The following PRKCQ variants were observed in gnomAD, a reference collection of about 807,000 sequenced individuals.
The protein encoded by PRKCQ is protein kinase C theta type.
Under a neutral mutation model 91.2 loss-of-function variants are expected in PRKCQ, and 41 were observed. The ratio of observed to expected loss-of-function variants is 0.45; its 90% CI spans 0.35 to 0.58. The LOEUF (loss-of-function observed/expected upper bound fraction) is 0.58. Ranked by LOEUF, PRKCQ falls within the 20% of genes least tolerant of loss-of-function variation. The probability of loss-of-function intolerance (pLI) is 0.00; values close to 1 mark genes in which losing one functional copy is unlikely to be tolerated. For synonymous variants in PRKCQ, 307 were observed against 316.9 expected, an observed-to-expected ratio of 0.97 and a Z score of 0.33; for missense variants, 673 against 896.5, an observed-to-expected ratio of 0.75 and a Z score of 3.18.
intron 3 of PRKCQ, among the ~76,000 whole-genome samples, chr10:6,510,548 G>A (rs552439707): frequency 6.6e-6 from 1 of 152,260 alleles, no homozygotes; most frequent in East Asian, 1.9e-4. Flanking sequence ...TGAGTCTACT[G>A]GGTTAAACAA....
intron 12 of PRKCQ, among the ~76,000 whole-genome samples, chr10:6,475,087 G>A (rs1836201396): frequency 6.6e-6 from 1 of 152,178 alleles, no homozygotes; most frequent in Non-Finnish European, 1.5e-5. Flanking sequence ...AGTAATTTAT[G>A]CCAGAGCCTG....
At chr10:6,432,009 G>A (rs748525349) in intron 16 of PRKCQ, among the ~76,000 whole-genome samples, 45 of 152,204 alleles carry the variant, frequency 3.0e-4, no homozygotes, top group Non-Finnish European at 6.0e-4. Context: ...AAACAGGAGA[G>A]TCTAAACATT....
intron 11 of PRKCQ, among the ~76,000 whole-genome samples, chr10:6,483,013 T>C (rs1439004481): frequency 6.6e-6 from 1 of 151,942 alleles, no homozygotes; most frequent in Non-Finnish European, 1.5e-5. Flanking sequence ...CAAGGAAACT[T>C]ATACAAGCTG....
At chr10:6,568,601 A>C (rs1840920692) in intron 1 of PRKCQ, among the ~76,000 whole-genome samples, 1 of 150,474 alleles carries the variant, frequency 6.6e-6, no homozygotes, top group Non-Finnish European at 1.5e-5. Flanking sequence ...AGGTTCACGC[A>C]GTTCTCCTGC....
At chr10:6,539,764 T>C (rs1276872823) in intron 1 of PRKCQ, among the ~76,000 whole-genome samples, 1 of 152,192 alleles carries the variant, frequency 6.6e-6, no homozygotes, top group East Asian at 1.9e-4. Flanking sequence ...TTTAGAGAAC[T>C]CATCAGCGCA....
chr10:6,533,124 TC>T (rs2130903195), intron 1 of PRKCQ, among the ~76,000 whole-genome samples: 1 of 152,134 alleles, frequency 6.6e-6, no homozygotes, highest in Non-Finnish European at 1.5e-5. Flanking sequence ...ATTATCAACA[TC>T]CCCCACCAGA....
At chr10:6,491,061 G>A (rs145328831) in intron 8 of PRKCQ, among the ~76,000 whole-genome samples, 1 of 152,326 alleles carries the variant, frequency 6.6e-6, no homozygotes, top group Non-Finnish European at 1.5e-5. Flanking sequence ...GTTAGGCTCT[G>A]CTGCGATCCT....
intron 1 of PRKCQ, among the ~76,000 whole-genome samples, chr10:6,517,516 A>G (rs1405142167): frequency 1.3e-5 from 2 of 149,798 alleles, no homozygotes; most frequent in Non-Finnish European, 3.0e-5. Flanking sequence ...GCGTTACTAA[A>G]GTCTGTAGCT....
intron 1 of PRKCQ, among the ~76,000 whole-genome samples, chr10:6,532,353 C>A (rs1401210189): frequency 6.6e-6 from 1 of 152,194 alleles, no homozygotes; most frequent in African/African-American, 2.4e-5. Flanking sequence ...TTATGGGATA[C>A]ATAGTTGGCA....
At chr10:6,513,656 G>A (rs1216199388) in intron 2 of PRKCQ, among the ~76,000 whole-genome samples, 1 of 152,190 alleles carries the variant, frequency 6.6e-6, no homozygotes, top group Non-Finnish European at 1.5e-5. Flanking sequence ...AGAGAACTCT[G>A]GGCAGAAAGG....
At chr10:6,551,432 C>G (rs1840180903) in intron 1 of PRKCQ, among the ~76,000 whole-genome samples, 1 of 145,310 alleles carries the variant, frequency 6.9e-6, no homozygotes, top group Admixed American at 7.0e-5. Context: ...CTCACTCTGT[C>G]ACCCAGGCTG....
chr10:6,442,982 A>C (rs932935589), intron 15 of PRKCQ, among the ~76,000 whole-genome samples: 4 of 152,064 alleles, frequency 2.6e-5, no homozygotes, highest in African/African-American at 9.7e-5. Flanking sequence ...AAAAACCCCA[A>C]AGCACTCAAA....
chr10:6,445,932 T>C (rs1449017382), intron 15 of PRKCQ, among the ~76,000 whole-genome samples: 1 of 152,226 alleles, frequency 6.6e-6, no homozygotes, highest in Non-Finnish European at 1.5e-5. Context: ...AACTTCGTTT[T>C]GGCAGGACAA....
chr10:6,569,492 G>A (rs937733870), intron 1 of PRKCQ, among the ~76,000 whole-genome samples: 14 of 152,114 alleles, frequency 9.2e-5, no homozygotes, highest in Non-Finnish European at 1.8e-4. Context: ...GCTTTATCCC[G>A]GGGGCACTGG....
intron 1 of PRKCQ, among the ~76,000 whole-genome samples, chr10:6,533,646 T>A (rs747194840): frequency 6.6e-6 from 1 of 152,164 alleles, no homozygotes; most frequent in African/African-American, 2.4e-5. Context: ...AATAAAGATA[T>A]TATAATGGGA....
chr10:6,560,481 A>G (rs113536648), intron 1 of PRKCQ, among the ~76,000 whole-genome samples: 96 of 152,318 alleles, frequency 6.3e-4, no homozygotes, highest in Non-Finnish European at 1.1e-3. Context: ...GAGGCAGCGC[A>G]TCATGGAACC....
intron 16 of PRKCQ, among the ~76,000 whole-genome samples, chr10:6,440,676 C>T (rs76987855): frequency 0.016 from 2,459 of 152,164 alleles, 39 homozygotes; most frequent in Non-Finnish European, 0.024. Flanking sequence ...AAGCAGGAGT[C>T]CCAGCTTTAA....
In PRKCQ at chr10:6,576,548, G is replaced by A. The variant is rs1841244493; in HGVS notation, c.-10+3663C>T. Among the ~76,000 whole-genome samples the A allele has an allele frequency of 6.6e-6, 1 of 152,228 alleles. No homozygotes were observed. The highest frequency in any genetic ancestry group is 2.4e-5 in the African/African-American group (1 of 41,468). ...GTGGCTGCCAGGGGCTGAGAGGAAA[G>A]ACGGATGAGGAACGAATGTTCCACG... is the stretch of plus-strand genomic sequence containing the variant. On this transcript the variant is annotated intron_variant, in intron 1 of 17. Coordinates refer to ENST00000263125, the MANE Select transcript of PRKCQ (RefSeq NM_006257.5). The surrounding 1 kb of genome is among the most constrained non-coding windows in gnomAD (Gnocchi z 4.2).
At chr10:6,447,769 C>T (rs923073654) in intron 15 of PRKCQ, among the ~76,000 whole-genome samples, 13 of 152,204 alleles carry the variant, frequency 8.5e-5, no homozygotes, top group African/African-American at 2.2e-4. Flanking sequence ...AGTCGGCCTT[C>T]CCCAGGCCAC....
Sources: gnomAD v4.1 joint callset for allele counts (sites outside exome capture counted in the v4.1 genomes callset) on GRCh38, gnomAD v4.1.1 for gene constraint, Gnocchi (gnomAD v3.1) non-coding constraint, MANE v1.5 for transcripts, NCBI Gene and HGNC (gene_info 2026-07-23, HGNC 2026-07-21) for gene names.